PARP4: variants seen among roughly 807,000 people sequenced by gnomAD.
PARP4 encodes the protein poly(ADP-ribose) polymerase family member 4.
A neutral mutation model predicts 187.7 loss-of-function variants in PARP4; 120 were observed. The ratio of observed to expected loss-of-function variants is 0.64; its 90% CI spans 0.55 to 0.74. PARP4 has a LOEUF of 0.74. PARP4 is among the 30% of genes least tolerant of loss of function. The pLI, the probability that PARP4 is intolerant of heterozygous loss-of-function variation, is 0.00. For synonymous variants in PARP4, 654 were observed against 740.9 expected (o/e 0.88, Z 1.90); for missense variants, 1,836 against 2,070.5 (o/e 0.89, Z 2.20).
At chr13:24,442,181 C>T (rs3816231) in intron 29 of PARP4, among the ~76,000 whole-genome samples, 10,191 of 108,094 alleles carry the variant, frequency 0.094, 251 homozygotes, top group Middle Eastern at 0.18. Flanking sequence ...GTGCTGGGCA[C>T]GTTACGTGAA....
chr13:24,507,373 T>C (rs1869770553), intron 1 of PARP4, among the ~76,000 whole-genome samples: 1 of 152,170 alleles, frequency 6.6e-6, no homozygotes, highest in South Asian at 2.1e-4. Flanking sequence ...GTGGTACCCA[T>C]TCCCTGGGCT....
intron 18 of PARP4, 71 bp from the exon 19 acceptor site, chr13:24,459,381 A>C: frequency 7.3e-7 from 1 of 1,376,464 alleles, no homozygotes; most frequent in South Asian, 1.4e-5. Flanking sequence ...AAGTGAATGT[A>C]ATCTTGGCAA....
chr13:24,503,920 A>G, intron 1 of PARP4, 143 bp from the exon 2 acceptor site: 1 of 682,408 alleles, frequency 1.5e-6, no homozygotes, highest in Non-Finnish European at 2.5e-6. Context: ...AACATTGCAA[A>G]AATTGAATAA....
chr13:24,433,453 A>T (rs769069335), intron 31 of PARP4, among the ~76,000 whole-genome samples: 1 of 152,182 alleles, frequency 6.6e-6, no homozygotes, highest in Non-Finnish European at 1.5e-5. Context: ...TGATCACCCC[A>T]ACAACTATTA....
chr13:24,478,964 A>G (rs1406566619), intron 12 of PARP4, among the ~76,000 whole-genome samples: 2 of 152,248 alleles, frequency 1.3e-5, no homozygotes, highest in African/African-American at 2.4e-5. Flanking sequence ...ACTAAAGCTC[A>G]GAAAGGAATA....
At chr13:24,427,814 G>C (rs1179483461) in intron 32 of PARP4, among the ~76,000 whole-genome samples, 1 of 152,070 alleles carries the variant, frequency 6.6e-6, no homozygotes, top group Non-Finnish European at 1.5e-5. Context: ...AAAATCAGTG[G>C]AGACAAAAGC....
intron 17 of PARP4, among the ~76,000 whole-genome samples, chr13:24,462,450 G>T (rs1328650389): frequency 6.6e-6 from 1 of 152,148 alleles, no homozygotes; most frequent in African/African-American, 2.4e-5. Flanking sequence ...TGCCACTTCT[G>T]GGCATAAATG....
intron 32 of PARP4, among the ~76,000 whole-genome samples, chr13:24,430,320 T>C (rs1870271666): frequency 6.6e-6 from 1 of 152,088 alleles, no homozygotes; most frequent in Non-Finnish European, 1.5e-5. Flanking sequence ...TATCCATGAA[T>C]ATTGGCTAGT....
intron 18 of PARP4, 154 bp from the exon 19 acceptor site, chr13:24,459,464 A>G: frequency 1.5e-6 from 1 of 655,458 alleles, no homozygotes; most frequent in Non-Finnish European, 2.5e-6. Context: ...TCATGGAATG[A>G]CAGGAACTTC....
At chr13:24,490,522 A>G in intron 10 of PARP4, 146 bp downstream of exon 10, 1 of 666,834 alleles carries the variant, frequency 1.5e-6, no homozygotes, top group Non-Finnish European at 2.6e-6. Context: ...CGTTCTGAAC[A>G]GAGAAGAAAG....
chr13:24,506,093 C>T (rs530710674), intron 1 of PARP4, among the ~76,000 whole-genome samples: 17 of 152,306 alleles, frequency 1.1e-4, no homozygotes, highest in Admixed American at 2.0e-4. Flanking sequence ...ACGAAGCTGC[C>T]TGGACCCTCG....
intron 17 of PARP4, 45 bp from the exon 18 acceptor site, chr13:24,460,181 C>G: frequency 6.7e-7 from 1 of 1,503,092 alleles, no homozygotes; most frequent in Non-Finnish European, 9.1e-7. Flanking sequence ...GAAAGCATAC[C>G]CATTATATGC....
At chr13:24,496,350 G>A (rs891391260) in intron 6 of PARP4, among the ~76,000 whole-genome samples, 3 of 152,096 alleles carry the variant, frequency 2.0e-5, no homozygotes, top group African/African-American at 4.8e-5. Context: ...TGTTCCCATG[G>A]AAATCTGATA....
chr13:24,508,921 A>G (rs950983829), intron 1 of PARP4, among the ~76,000 whole-genome samples: 4 of 152,246 alleles, frequency 2.6e-5, no homozygotes, highest in African/African-American at 9.7e-5. Flanking sequence ...CATTTTTAAT[A>G]GAGACTATCA....
At chr13:24,488,115 G>T (rs375740620) in intron 10 of PARP4, among the ~76,000 whole-genome samples, 1 of 152,062 alleles carries the variant, frequency 6.6e-6, no homozygotes, top group Admixed American at 6.5e-5. Context: ...TTGTACTTAG[G>T]GGGTGGGGCG....
At chr13:24,440,419 T>TAAAAAAAAAAAAAAAAAAAAAAAAAAAA (rs71070698) in intron 30 of PARP4, among the ~76,000 whole-genome samples, 1 of 126,222 alleles carries the variant, frequency 7.9e-6, no homozygotes, top group Non-Finnish European at 1.6e-5. Flanking sequence ...AAATTAAAAT[T>TAAAAAAAAAAAAAAAAAAAAAAAAAAAA]AAAAAAAAAA....
intron 30 of PARP4, among the ~76,000 whole-genome samples, chr13:24,441,465 G>A (rs1158177920): frequency 6.6e-6 from 1 of 152,248 alleles, no homozygotes; most frequent in African/African-American, 2.4e-5. Flanking sequence ...AAGGGCCACG[G>A]TATAAAGCAC....
At chr13:24,437,809 C>T (rs1227093909) in intron 30 of PARP4, among the ~76,000 whole-genome samples, 1 of 145,232 alleles carries the variant, frequency 6.9e-6, no homozygotes, top group Non-Finnish European at 1.5e-5. Context: ...TGTGAATAGT[C>T]ACTGCACCCC....
rs755129700 is a variant in PARP4, at chr13:24,494,659, T to A, written c.655A>T (p.Ile219Phe). The change falls in exon 7 of 34, where the codon ATT becomes TTT. Residue 219 changes from isoleucine (I) to phenylalanine (F), a missense_variant. By Grantham distance (21) the Ile-to-Phe change is conservative. This residue lies in a region of PARP4 where 1,147 missense variants were observed against 1,214.2 expected (regional missense o/e 0.94). Coordinates refer to ENST00000381989, the MANE Select transcript of PARP4 (RefSeq NM_006437.4). ...AATCCTTGTTTCTTCAGTTCTTCAA[T>A]GTAATTTTCAAAGTATTCACTTGCA... Reference protein sequence around the residue: ...EDASEYFENYIEELKKQGFLL... With the variant: ...EDASEYFENYFEELKKQGFLL... 6.2e-7 allele frequency: 1 copy of A among 1,610,030 alleles called. No homozygotes were observed. The highest frequency in any genetic ancestry group is 8.5e-7 in the Non-Finnish European group (1 of 1,176,646).
Sources: allele counts gnomAD v4.1 joint callset (sites outside exome capture counted in the v4.1 genomes callset), GRCh38; gene constraint gnomAD v4.1.1; regional missense constraint gnomAD v4.1.1; transcripts MANE v1.5; gene names NCBI Gene and HGNC (gene_info 2026-07-23, HGNC 2026-07-21).